Variants in CCNI observed in about 807,000 individuals in gnomAD.
CCNI encodes the protein cyclin I.
In CCNI, 14 loss-of-function variants were observed where a neutral mutation model predicts 34.1. That is an observed-to-expected ratio of 0.41 (90% CI 0.27 to 0.64). The LOEUF is 0.64. Among genes scored for constraint, CCNI ranks in the 30% least tolerant of loss-of-function variants. The pLI is 0.31. For synonymous variants in CCNI, 154 were observed against 158.4 expected, an observed-to-expected ratio of 0.97 and a Z score of 0.21; for missense variants, 385 against 440.5, an observed-to-expected ratio of 0.87 and a Z score of 1.13.
chr4:77,060,625 ATT>A (rs558884443), intron 2 of CCNI, among the ~76,000 whole-genome samples: 12 of 133,330 alleles, frequency 9.0e-5, no homozygotes, highest in Non-Finnish European at 9.8e-5. Flanking sequence ...GGCCCGGCTA[ATT>A]TTTTTTTTTT....
At chr4:77,066,911 A>G (rs563029964) in intron 1 of CCNI, among the ~76,000 whole-genome samples, 1 of 152,324 alleles carries the variant, frequency 6.6e-6, no homozygotes, top group East Asian at 1.9e-4. Context: ...TTAGCTACAC[A>G]TGTGGATATT....
chr4:77,049,648 A>G (rs1234314980), intron 6 of CCNI, among the ~76,000 whole-genome samples: 1 of 151,674 alleles, frequency 6.6e-6, no homozygotes, highest in Non-Finnish European at 1.5e-5. Flanking sequence ...ACTGCATTCC[A>G]GCCAGGCCAA....
intron 1 of CCNI, among the ~76,000 whole-genome samples, chr4:77,072,657 A>AAAAAG (rs1560787323): frequency 4.1e-4 from 60 of 147,024 alleles, no homozygotes; most frequent in East Asian, 1.4e-3. Flanking sequence ...AAAAAAAAAA[A>AAAAAG]AAAAGAAAAG....
chr4:77,065,280 T>C (rs1241115619), intron 2 of CCNI, among the ~76,000 whole-genome samples: 1 of 152,228 alleles, frequency 6.6e-6, no homozygotes, highest in East Asian at 1.9e-4. Context: ...TTGCCATTCA[T>C]TCACTCATGC....
Position 77,075,673 on chromosome 4 carries a change from G to A in CCNI, c.-245C>T. 3 of 587,634 alleles carry A rather than the reference G, an allele frequency of 5.1e-6. No individual in the cohort carries two copies. The highest frequency in any genetic ancestry group is 6.4e-6 in the Non-Finnish European group (3 of 465,456). The allele number at this position is 587,634 out of a possible 1,614,324, so 36.4% of individuals were successfully genotyped here. On this transcript the variant is annotated 5_prime_UTR_variant, in exon 1 of 7. Transcript: ENST00000237654. ...CGGGCGCGGGCGCTGGCGCTCGAGC[G>A]GGACGCACGGCTGCGGCCGCTGGGT...
chr4:77,052,919 G>A (rs1446035071), intron 6 of CCNI, among the ~76,000 whole-genome samples: 1 of 152,140 alleles, frequency 6.6e-6, no homozygotes, highest in Non-Finnish European at 1.5e-5. Context: ...TCTCTACCAA[G>A]ATTTATGACC....
intron 3 of CCNI, among the ~76,000 whole-genome samples, chr4:77,057,264 A>C (rs1728305686): frequency 6.6e-6 from 1 of 152,200 alleles, no homozygotes; most frequent in Non-Finnish European, 1.5e-5. Flanking sequence ...TTTTTCAAAA[A>C]TTATTAGTGA....
At chr4:77,072,587 T>C (rs4252792) in intron 1 of CCNI, among the ~76,000 whole-genome samples, 4,940 of 144,884 alleles carry the variant, frequency 0.034, 281 homozygotes, top group African/African-American at 0.12. Context: ...CAGTCAGCTA[T>C]GATTACAGCA....
At position 77,075,748 on chromosome 4, in the gene CCNI, C is replaced by T. The variant is rs1363112996; in HGVS notation, c.-320G>A. The T allele has an allele frequency of 5.6e-6, 1 of 179,374 alleles. No individual in the cohort carries two copies. Among genetic ancestry groups the T allele is most frequent in the Non-Finnish European group, 1.1e-5 (1 of 93,202 alleles). The allele number at this position is 179,374 out of a possible 1,614,324, so 11.1% of individuals were successfully genotyped here. On this transcript the variant is annotated 5_prime_UTR_variant, in exon 1 of 7. Coordinates refer to ENST00000237654, the MANE Select transcript of CCNI (RefSeq NM_006835.3). ...GACCCCCGGCCTGAGGCCGCCGCCG[C>T]TCGAGCCCGGGTTGGGAGGGGGCTC...
At chr4:77,067,056 AC>A (rs1330270255) in intron 1 of CCNI, among the ~76,000 whole-genome samples, 1 of 152,062 alleles carries the variant, frequency 6.6e-6, no homozygotes, top group African/African-American at 2.4e-5. Context: ...ACATGGTGAA[AC>A]CCCATCACTA....
intron 1 of CCNI, among the ~76,000 whole-genome samples, chr4:77,072,452 CAAAAA>C (rs11327592): frequency 1.4e-4 from 9 of 62,220 alleles, no homozygotes; most frequent in African/African-American, 3.7e-4. Context: ...CTGTCTCCAC[CAAAAA>C]AAAAAAAAAA....
chr4:77,067,778 G>C (rs1258448533), intron 1 of CCNI, among the ~76,000 whole-genome samples: 1 of 128,882 alleles, frequency 7.8e-6, no homozygotes, highest in Non-Finnish European at 1.6e-5. Flanking sequence ...CCACCGTGCA[G>C]GCTTCTAGGT....
At chr4:77,060,587 T>C (rs182145791) in intron 2 of CCNI, among the ~76,000 whole-genome samples, 205 of 150,536 alleles carry the variant, frequency 1.4e-3, no homozygotes, top group African/African-American at 4.9e-3. Flanking sequence ...CATCCTGAAG[T>C]AGCTAGGACC....
chr4:77,073,684 C>A (rs576467984), intron 1 of CCNI, among the ~76,000 whole-genome samples: 23 of 152,338 alleles, frequency 1.5e-4, no homozygotes, highest in African/African-American at 5.5e-4. Flanking sequence ...TACTTCCCTT[C>A]CTAAAGTAGC....
In CCNI at chr4:77,056,453, A is replaced by ATG. The variant is rs1005468778; in HGVS notation, c.244-132_244-131dup. The ATG allele has an allele frequency of 7.5e-5, 49 of 653,628 alleles. 1 individual carries two copies. Among genetic ancestry groups the ATG allele is most frequent in the Admixed American group, 5.6e-4 (22 of 39,116 alleles). The allele number at this position is 653,628 out of a possible 1,614,324, so 40.5% of individuals were successfully genotyped here. On this transcript the variant is annotated intron_variant, in intron 3 of 6. Transcript: ENST00000237654. ...CACAAAATACTATGGAATTCAATTA[A>ATG]TGTGACTGCCACTCATTACTTTTTA...
Position 77,048,334 on chromosome 4 carries a change from A to T in CCNI, c.1019T>A (p.Leu340His). 6.2e-7 allele frequency: 1 copy of T among 1,614,090 alleles called. No individual in the cohort carries two copies. The highest frequency in any genetic ancestry group is 8.5e-7 in the Non-Finnish European group (1 of 1,179,996). ...TTCTGAGACATTATCTTCATTATAGAGCCGTTTGATTCCATCATAGAAGTC... is the reference window on the plus strand; with the variant it reads ...TTCTGAGACATTATCTTCATTATAGTGCCGTTTGATTCCATCATAGAAGTC... ...VDDFYDGIKR[L>H]YNEDNVSENV... is the part of the protein sequence containing the mutation. The change falls in exon 7 of 7, where the codon CTC becomes CAC. Residue 340 changes from leucine to histidine, a missense_variant. Transcript: ENST00000237654.
intron 2 of CCNI, among the ~76,000 whole-genome samples, chr4:77,064,040 G>A (rs1177971494): frequency 2.0e-5 from 3 of 152,016 alleles, no homozygotes; most frequent in Non-Finnish European, 2.9e-5. Context: ...TGAGGAGTTC[G>A]AGACCAGCTC....
At chr4:77,073,906 T>G (rs2109857544) in intron 1 of CCNI, among the ~76,000 whole-genome samples, 1 of 152,322 alleles carries the variant, frequency 6.6e-6, no homozygotes, top group South Asian at 2.1e-4. Flanking sequence ...AAGCACTGAG[T>G]GCTTACTATT....
chr4:77,058,335 A>G (rs752737540), intron 3 of CCNI, among the ~76,000 whole-genome samples, 172 bp downstream of exon 3: 8 of 152,230 alleles, frequency 5.3e-5, no homozygotes, highest in Non-Finnish European at 1.2e-4. Flanking sequence ...AAAAATAAAA[A>G]TAAAATAAAC....
Sources: gnomAD v4.1 joint callset for allele counts (sites outside exome capture counted in the v4.1 genomes callset) on GRCh38, gnomAD v4.1.1 for gene constraint, MANE v1.5 for transcripts, NCBI Gene and HGNC (gene_info 2026-07-23, HGNC 2026-07-21) for gene names.